Variants in CNTNAP2 observed in about 807,000 individuals in gnomAD.
CNTNAP2 encodes contactin-associated protein-like 2.
In CNTNAP2, 98 loss-of-function variants were observed where a neutral mutation model predicts 155.2. The ratio of observed to expected loss-of-function variants is 0.63; its 90% CI spans 0.54 to 0.75. The LOEUF (loss-of-function observed/expected upper bound fraction) is 0.75, where lower values mean the gene tolerates loss of function less well. CNTNAP2 is among the 30% of genes least tolerant of loss of function. The probability of loss-of-function intolerance (pLI) is 0.00; values close to 1 mark genes in which losing one functional copy is unlikely to be tolerated. For missense variants in CNTNAP2, 1,727 were observed against 1,688.1 expected (o/e 1.02, Z -0.40); for synonymous variants, 651 against 631.2 (o/e 1.03, Z -0.47).
Position 147,602,834 on chromosome 7 carries a change from G to A in CNTNAP2, c.1898-36272G>A, listed in dbSNP as rs1423744950. On this transcript the variant is annotated intron_variant, in intron 12 of 23. Transcript: ENST00000361727. Reference sequence around the variant, plus strand: ...GGACATGAACTCATCATTTTTTATGGCTGCATAGTATTCCATGGTGTATAT... The same window carrying A: ...GGACATGAACTCATCATTTTTTATGACTGCATAGTATTCCATGGTGTATAT... Among the ~76,000 whole-genome samples, 8 of 151,664 alleles carry A rather than the reference G, an allele frequency of 5.3e-5. 1 individual carries two copies. The highest frequency in any genetic ancestry group is 1.7e-4 in the African/African-American group (7 of 41,398).
At chr7:148,009,534 T>C (rs983117745) in intron 15 of CNTNAP2, among the ~76,000 whole-genome samples, 1 of 152,160 alleles carries the variant, frequency 6.6e-6, no homozygotes, top group African/African-American at 2.4e-5. Flanking sequence ...TAACTAAAAT[T>C]TGAACCATGT....
At chr7:148,348,076 T>C (rs1798359138) in intron 21 of CNTNAP2, among the ~76,000 whole-genome samples, 2 of 152,220 alleles carry the variant, frequency 1.3e-5, no homozygotes, top group Admixed American at 6.5e-5. Context: ...TTCCAGCTAG[T>C]AGTTCTTCCC....
At chr7:147,932,585 A>G (rs759334794) in intron 14 of CNTNAP2, among the ~76,000 whole-genome samples, 8 of 152,240 alleles carry the variant, frequency 5.3e-5, no homozygotes, top group Non-Finnish European at 8.8e-5. Flanking sequence ...ACTTAAACGT[A>G]AGACCTGAAA....
chr7:147,760,958 T>G (rs1055797007), intron 13 of CNTNAP2, among the ~76,000 whole-genome samples: 6 of 152,188 alleles, frequency 3.9e-5, no homozygotes, highest in African/African-American at 1.2e-4. Context: ...AGCAGTTATA[T>G]TCTTATGAGG....
At chr7:146,435,685 G>T (rs142342738) in intron 1 of CNTNAP2, among the ~76,000 whole-genome samples, 111 of 152,234 alleles carry the variant, frequency 7.3e-4, no homozygotes, top group Non-Finnish European at 1.3e-3. Context: ...TGATAAAAAC[G>T]TGTGTATGTC....
At chr7:148,005,493 G>T (rs550542850) in intron 15 of CNTNAP2, among the ~76,000 whole-genome samples, 1 of 152,062 alleles carries the variant, frequency 6.6e-6, no homozygotes, top group Admixed American at 6.6e-5. Flanking sequence ...GTAAACAATC[G>T]CCACTGTTAT....
At chr7:146,178,108 A>G (rs558618548) in intron 1 of CNTNAP2, among the ~76,000 whole-genome samples, 17 of 152,154 alleles carry the variant, frequency 1.1e-4, no homozygotes, top group African/African-American at 3.1e-4. Flanking sequence ...ATCTCGGCTC[A>G]CTGCAAGCTC....
intron 13 of CNTNAP2, among the ~76,000 whole-genome samples, chr7:147,771,364 ATAAAG>A (rs1466035383): frequency 2.0e-5 from 3 of 152,244 alleles, no homozygotes; most frequent in African/African-American, 7.2e-5. Flanking sequence ...GATGCTACAA[ATAAAG>A]TAGAGAGGAA....
chr7:147,826,415 A>T (rs1798450691), intron 13 of CNTNAP2, among the ~76,000 whole-genome samples: 1 of 152,198 alleles, frequency 6.6e-6, no homozygotes, highest in Non-Finnish European at 1.5e-5. Flanking sequence ...CCTATTTGAC[A>T]TTAGTTTGAC....
chr7:148,272,827 T>C (rs1796805786), intron 21 of CNTNAP2, among the ~76,000 whole-genome samples: 1 of 152,170 alleles, frequency 6.6e-6, no homozygotes, highest in Non-Finnish European at 1.5e-5. Context: ...GTATTAGTCA[T>C]CTGAGGAGAA....
At chr7:146,898,609 G>A (rs1458214638) in intron 3 of CNTNAP2, among the ~76,000 whole-genome samples, 4 of 151,614 alleles carry the variant, frequency 2.6e-5, no homozygotes, top group East Asian at 1.9e-4. Flanking sequence ...CATTATAACC[G>A]CAAGCTGTAT....
chr7:146,883,552 C>T (rs1795595971), intron 3 of CNTNAP2, among the ~76,000 whole-genome samples: 1 of 152,110 alleles, frequency 6.6e-6, no homozygotes, highest in Non-Finnish European at 1.5e-5. Context: ...AAATTTAGGA[C>T]AACGAAGAGA....
intron 1 of CNTNAP2, among the ~76,000 whole-genome samples, chr7:146,686,999 G>A (rs1585042713): frequency 6.6e-6 from 1 of 152,110 alleles, no homozygotes; most frequent in Admixed American, 6.6e-5. Flanking sequence ...CCAATAAGGT[G>A]CGTTAGTTTA....
intron 14 of CNTNAP2, among the ~76,000 whole-genome samples, chr7:147,915,217 C>T (rs1284991717): frequency 6.6e-6 from 1 of 152,170 alleles, no homozygotes; most frequent in African/African-American, 2.4e-5. Context: ...TCTCCTGGCC[C>T]CAATATTGGA....
chr7:147,521,587 A>T (rs187250350), intron 11 of CNTNAP2, among the ~76,000 whole-genome samples: 4 of 152,290 alleles, frequency 2.6e-5, no homozygotes, highest in African/African-American at 9.6e-5. Flanking sequence ...AGGCAGCCTG[A>T]AATGGAGAAT....
At chr7:147,724,525 A>T (rs1439942855) in intron 13 of CNTNAP2, among the ~76,000 whole-genome samples, 2 of 152,100 alleles carry the variant, frequency 1.3e-5, no homozygotes, top group Non-Finnish European at 2.9e-5. Context: ...AGTGACAGCT[A>T]GATTCAATTC....
intron 21 of CNTNAP2, among the ~76,000 whole-genome samples, chr7:148,282,535 AGTGTCCAGTAC>A (rs1452624517): frequency 5.3e-5 from 8 of 152,212 alleles, no homozygotes; most frequent in African/African-American, 1.9e-4. Context: ...GCACACAGTG[AGTGTCCAGTAC>A]GTCTTAGGCA....
chr7:147,186,966 AT>A (rs1342977295), intron 8 of CNTNAP2, among the ~76,000 whole-genome samples: 1 of 101,106 alleles, frequency 9.9e-6, no homozygotes, highest in African/African-American at 2.7e-5. Context: ...CATTCTCAAA[AT>A]TTCAGACTCA....
chr7:147,707,797 G>A (rs139463254), intron 13 of CNTNAP2, among the ~76,000 whole-genome samples: 246 of 152,316 alleles, frequency 1.6e-3, no homozygotes, highest in African/African-American at 5.1e-3. Flanking sequence ...GGGCTGGGAA[G>A]GCCAGTCTCC....
Sources: allele counts gnomAD v4.1 joint callset (sites outside exome capture counted in the v4.1 genomes callset), GRCh38; gene constraint gnomAD v4.1.1; transcripts MANE v1.5; gene names NCBI Gene and HGNC (gene_info 2026-07-23, HGNC 2026-07-21).